UBE2E2: variants seen among roughly 807,000 people sequenced by gnomAD.
The protein encoded by UBE2E2 is ubiquitin conjugating enzyme E2 E2.
A neutral mutation model predicts 24.7 loss-of-function variants in UBE2E2; 6 were observed. That is an observed-to-expected ratio of 0.24 (90% CI 0.13 to 0.48). The LOEUF (loss-of-function observed/expected upper bound fraction) is 0.48, where lower values mean the gene tolerates loss of function less well. UBE2E2 is among the 20% of genes least tolerant of loss of function. The pLI is 0.99. For missense variants in UBE2E2, 169 were observed against 245.0 expected (o/e 0.69, Z 2.07); for synonymous variants, 104 against 83.6 (o/e 1.24, Z -1.33).
At chr3:23,342,607 A>G (rs1302344319) in intron 3 of UBE2E2, among the ~76,000 whole-genome samples, 2 of 152,166 alleles carry the variant, frequency 1.3e-5, no homozygotes, top group East Asian at 1.9e-4. Flanking sequence ...CAGTACACCA[A>G]TGTATTTGTT....
intron 5 of UBE2E2, among the ~76,000 whole-genome samples, chr3:23,542,952 C>T (rs1018990855): frequency 6.6e-6 from 1 of 152,156 alleles, no homozygotes; most frequent in African/African-American, 2.4e-5. Flanking sequence ...CATGGATTAG[C>T]TGTTGATACA....
intron 5 of UBE2E2, among the ~76,000 whole-genome samples, chr3:23,540,189 G>A (rs1032347731): frequency 2.0e-4 from 31 of 152,006 alleles, no homozygotes; most frequent in African/African-American, 6.8e-4. Flanking sequence ...TCAGCCTCCC[G>A]AGTAGCTAAA....
At chr3:23,203,125 C>T (rs1159489298), upstream of UBE2E2, 6 of 982,694 alleles carry the variant, frequency 6.1e-6, no homozygotes, top group Non-Finnish European at 7.2e-6. Flanking sequence ...CGCGCGCGGA[C>T]GGCCGGGCGG....
chr3:23,268,775 A>G (rs1158976003), intron 3 of UBE2E2, among the ~76,000 whole-genome samples: 2 of 149,222 alleles, frequency 1.3e-5, no homozygotes, highest in Non-Finnish European at 3.0e-5. Context: ...ACGAAGCTGG[A>G]GGCATCACGC....
In UBE2E2 at chr3:23,225,708, G is replaced by T. The variant is rs73033550; in HGVS notation, c.227+8396G>T. On this transcript the variant is annotated intron_variant, in intron 3 of 5. Coordinates refer to ENST00000396703, the MANE Select transcript of UBE2E2 (RefSeq NM_152653.4). ...GTCTTTATTACTATAGTTTTACTGA[G>T]TTTTAAATCAGAAAGTGTAAGTATT... Among the ~76,000 whole-genome samples, 680 of 152,142 alleles carry T rather than the reference G, an allele frequency of 4.5e-3. 2 individuals are homozygous for T. The highest frequency in any genetic ancestry group is 7.2e-3 in the Non-Finnish European group (491 of 68,010).
intron 3 of UBE2E2, among the ~76,000 whole-genome samples, chr3:23,260,862 T>C (rs562235133): frequency 6.6e-6 from 1 of 152,078 alleles, no homozygotes; most frequent in East Asian, 1.9e-4. Flanking sequence ...TCTGAGCAAT[T>C]TGAGAGGCTG....
intron 3 of UBE2E2, among the ~76,000 whole-genome samples, chr3:23,301,093 G>A (rs1167696494): frequency 1.3e-5 from 2 of 152,094 alleles, no homozygotes; most frequent in Non-Finnish European, 2.9e-5. Flanking sequence ...TGAGTCTTCT[G>A]CATTTGTCAC....
Position 23,214,121 on chromosome 3 carries a change from ATAT to A in UBE2E2, c.177-3136_177-3134del, listed in dbSNP as rs1424589317. Reference sequence around the variant, plus strand: ...TTAGGTAACAGTAGCTCAAAATATAATATTATTGACTCACTGCTCAGACTTCTT... The same window carrying A: ...TTAGGTAACAGTAGCTCAAAATATAATATTGACTCACTGCTCAGACTTCTT... On this transcript the variant is annotated intron_variant, in intron 2 of 5. Coordinates refer to ENST00000396703, the MANE Select transcript of UBE2E2 (RefSeq NM_152653.4). Among the ~76,000 whole-genome samples the A allele has an allele frequency of 2.0e-5, 3 of 152,184 alleles. 1 individual carries two copies. The South Asian group carries it at 6.2e-4, about 32-fold the overall frequency.
intron 3 of UBE2E2, among the ~76,000 whole-genome samples, chr3:23,346,798 C>G (rs1054336573): frequency 2.8e-4 from 42 of 152,112 alleles, no homozygotes; most frequent in Non-Finnish European, 6.0e-4. Context: ...TTTGTTGATT[C>G]TTTGTGATGT....
At chr3:23,338,873 C>T (rs1414379484) in intron 3 of UBE2E2, among the ~76,000 whole-genome samples, 1 of 151,964 alleles carries the variant, frequency 6.6e-6, no homozygotes, top group Admixed American at 6.6e-5. Context: ...AGGAAATTAC[C>T]ATTTGAAAAG....
At chr3:23,527,953 C>T (rs776229577) in intron 4 of UBE2E2, among the ~76,000 whole-genome samples, 1 of 152,066 alleles carries the variant, frequency 6.6e-6, no homozygotes, top group African/African-American at 2.4e-5. Context: ...ATTGTGTGAA[C>T]TGCTTTAGCA....
intron 3 of UBE2E2, among the ~76,000 whole-genome samples, chr3:23,302,026 A>T (rs979051620): frequency 4.6e-5 from 7 of 152,232 alleles, no homozygotes; most frequent in African/African-American, 1.4e-4. Flanking sequence ...ACACATGTCC[A>T]TTCATCCTCC....
intron 4 of UBE2E2, among the ~76,000 whole-genome samples, chr3:23,502,220 T>C (rs567133246): frequency 6.5e-5 from 8 of 122,962 alleles, no homozygotes; most frequent in Non-Finnish European, 1.3e-4. Flanking sequence ...CTTGGTATTT[T>C]TCTCTCTTTT....
chr3:23,467,899 A>AGT (rs1254081585), intron 3 of UBE2E2, among the ~76,000 whole-genome samples: 4 of 152,182 alleles, frequency 2.6e-5, no homozygotes, highest in Non-Finnish European at 5.9e-5. Flanking sequence ...GGAGAGAGAC[A>AGT]GTGAAGTGGG....
intron 3 of UBE2E2, among the ~76,000 whole-genome samples, chr3:23,408,815 G>A (rs1019271938): frequency 3.3e-5 from 5 of 152,014 alleles, no homozygotes; most frequent in African/African-American, 1.2e-4. Flanking sequence ...TGGAGTATTG[G>A]TTTATCATTT....
At chr3:23,225,213 A>G (rs1240140648) in intron 3 of UBE2E2, among the ~76,000 whole-genome samples, 1 of 150,524 alleles carries the variant, frequency 6.6e-6, no homozygotes, top group Non-Finnish European at 1.5e-5. Context: ...CAGATATATA[A>G]TTTGCAACTA....
chr3:23,346,921 A>G (rs188780984), intron 3 of UBE2E2, among the ~76,000 whole-genome samples: 2 of 152,354 alleles, frequency 1.3e-5, no homozygotes, highest in East Asian at 3.9e-4. Context: ...TTAGTATTAC[A>G]GTATGAAAGA....
At chr3:23,433,310 A>G (rs1575625867) in intron 3 of UBE2E2, among the ~76,000 whole-genome samples, 1 of 151,950 alleles carries the variant, frequency 6.6e-6, no homozygotes, top group South Asian at 2.1e-4. Flanking sequence ...AGTTGACTCC[A>G]TTAAAAAAAA....
At chr3:23,445,015 C>G (rs890998166) in intron 3 of UBE2E2, among the ~76,000 whole-genome samples, 1 of 152,216 alleles carries the variant, frequency 6.6e-6, no homozygotes, top group African/African-American at 2.4e-5. Flanking sequence ...TACCTCCCCA[C>G]TCCCATGTAA....
Sources: allele counts gnomAD v4.1 joint callset (sites outside exome capture counted in the v4.1 genomes callset), GRCh38; gene constraint gnomAD v4.1.1; transcripts MANE v1.5; gene names NCBI Gene and HGNC (gene_info 2026-07-23, HGNC 2026-07-21).